The following ENPEP variants were observed in gnomAD, a reference collection of about 807,000 sequenced individuals.
The protein encoded by ENPEP is AP-A.
In ENPEP, 103 loss-of-function variants were observed where a neutral mutation model predicts 114.5. The observed-to-expected ratio is 0.90, with a 90% CI of 0.77 to 1.06. The LOEUF is 1.06. ENPEP is among the 50% of genes least tolerant of loss of function. The pLI is 0.00. For synonymous variants in ENPEP, 420 were observed against 422.0 expected, an observed-to-expected ratio of 1.00 and a Z score of 0.06; for missense variants, 1,196 against 1,161.3, an observed-to-expected ratio of 1.03 and a Z score of -0.43.
intron 13 of ENPEP, among the ~76,000 whole-genome samples, chr4:110,547,093 A>G (rs1727098219): frequency 6.6e-6 from 1 of 152,058 alleles, no homozygotes; most frequent in Non-Finnish European, 1.5e-5. Flanking sequence ...AAAACAAAAA[A>G]CAAACCTTCT....
chr4:110,513,703 T>C (rs987807151), intron 7 of ENPEP, among the ~76,000 whole-genome samples, 154 bp downstream of exon 7: 1 of 152,214 alleles, frequency 6.6e-6, no homozygotes, highest in African/African-American at 2.4e-5. Context: ...CAATAGTTTG[T>C]ACTTTTCAGT....
At position 110,565,238 on chromosome 4, in the gene ENPEP, A is replaced by T. The variant is rs1268136265; in HGVS notation, c.*3680A>T. 1 of 152,196 alleles carries T rather than the reference A, an allele frequency of 6.6e-6. No homozygotes were observed. The highest frequency in any genetic ancestry group is 1.5e-5 in the Non-Finnish European group (1 of 68,034). The allele number at this position is 152,196 out of a possible 1,614,324, so 9.4% of individuals were successfully genotyped here. On this transcript the variant is annotated 3_prime_UTR_variant, in exon 20 of 20. Transcript: ENST00000265162. Reference sequence around the variant, plus strand: ...AGTTCATGATGTAAAAATTATATAAAATTTAAATAAATGTCGGCATCCTTA... The same window carrying T: ...AGTTCATGATGTAAAAATTATATAATATTTAAATAAATGTCGGCATCCTTA...
Position 110,561,475 on chromosome 4 carries a change from A to G in ENPEP, c.2791A>G (p.Thr931Ala). 1.9e-6 allele frequency: 3 copies of G among 1,614,114 alleles called. No individual in the cohort carries two copies. Among genetic ancestry groups the G allele is most frequent in the South Asian group, 1.1e-5 (1 of 91,070 alleles). ...AAAACCTAGGGAACAAGTGCTGGAA[A>G]CAGTGAAAAACAATATAGAGTGGCT... ...GEKPREQVLE[T>A]VKNNIEWLKQ... Residue 931 changes from threonine (T) to alanine (A), a missense_variant, in exon 20 of 20, where the codon ACA becomes GCA. By Grantham distance (58) the Thr-to-Ala change is moderately conservative (BLOSUM62 0). Coordinates refer to ENST00000265162, the MANE Select transcript of ENPEP (RefSeq NM_001977.4).
At chr4:110,555,279 C>T (rs1299184443) in intron 18 of ENPEP, among the ~76,000 whole-genome samples, 1 of 151,892 alleles carries the variant, frequency 6.6e-6, no homozygotes, top group East Asian at 1.9e-4. Context: ...TTGTACTTGG[C>T]TTGAATAAAC....
Position 110,520,060 on chromosome 4 carries a change from C to T in ENPEP, c.1562C>T (p.Ala521Val). 6.2e-7 allele frequency: 1 copy of T among 1,613,862 alleles called. No individual in the cohort carries two copies. The highest frequency in any genetic ancestry group is 1.3e-5 in the African/African-American group (1 of 75,036). ...AATGCAAAAACTTCTGATTTTTGGG[C>T]AGCACTGGAAGAGGTAAGGAAGAGT... ...FKNAKTSDFWAALEEASRLPV... is the reference protein window; with the variant it reads ...FKNAKTSDFWVALEEASRLPV... The change falls in exon 9 of 20, where the codon GCA (alanine) becomes GTA (valine). Residue 521 changes from alanine to valine, a missense_variant. Transcript: ENST00000265162.
At chr4:110,541,949 A>C (rs918025519) in intron 11 of ENPEP, among the ~76,000 whole-genome samples, 1 of 152,152 alleles carries the variant, frequency 6.6e-6, no homozygotes, top group Non-Finnish European at 1.5e-5. Flanking sequence ...TTTACCTAAA[A>C]CATAAGTCTC....
rs372915832 is a variant in ENPEP at position 110,513,477 on chromosome 4, G to A, written c.1371G>A (p.Ser457=). 23 of 1,613,028 alleles carry A rather than the reference G, an allele frequency of 1.4e-5. No homozygotes were observed. The highest frequency in any genetic ancestry group is 1.6e-4 in the Middle Eastern group (1 of 6,080). ...AAGAGGATGATTCTTTGATGTCTTC[G>A]CATCCAATTATTGTGACTGTGACAA... is the stretch of plus-strand genomic sequence containing the variant. ...PVQEDDSLMS[S]HPIIVTVTTP... is the part of the protein sequence containing the mutation. Residue 457 remains serine, a synonymous_variant, in exon 7 of 20, where the codon TCG becomes TCA. Coordinates refer to ENST00000265162, the MANE Select transcript of ENPEP (RefSeq NM_001977.4).
intron 19 of ENPEP, among the ~76,000 whole-genome samples, chr4:110,560,217 A>T (rs1264890234): frequency 6.6e-6 from 1 of 152,188 alleles, no homozygotes; most frequent in Non-Finnish European, 1.5e-5. Context: ...GTTGGTTCCA[A>T]GTCTTTGATA....
intron 11 of ENPEP, among the ~76,000 whole-genome samples, chr4:110,531,695 G>T (rs961882332): frequency 6.6e-6 from 1 of 151,292 alleles, no homozygotes; most frequent in Non-Finnish European, 1.5e-5. Context: ...AAATATATTT[G>T]TGTTCTATCT....
At chr4:110,522,709 G>A (rs1440768174) in intron 10 of ENPEP, among the ~76,000 whole-genome samples, 1 of 152,154 alleles carries the variant, frequency 6.6e-6, no homozygotes, top group East Asian at 1.9e-4. Context: ...AATGCAAGAA[G>A]CGAATGAGGC....
At chr4:110,553,187 A>C in intron 17 of ENPEP, 128 bp from the exon 18 acceptor site, 1 of 780,890 alleles carries the variant, frequency 1.3e-6, no homozygotes, top group Non-Finnish European at 1.9e-6. Flanking sequence ...TGTCATATTT[A>C]ATTAACTTTG....
intron 11 of ENPEP, among the ~76,000 whole-genome samples, chr4:110,532,185 G>A (rs1726431962): frequency 1.3e-5 from 2 of 152,114 alleles, no homozygotes; most frequent in South Asian, 4.1e-4. Flanking sequence ...ACAATCCAGT[G>A]TTTTTTAGTG....
At chr4:110,482,937 A>T in intron 1 of ENPEP, among the ~76,000 whole-genome samples, 1 of 152,158 alleles carries the variant, frequency 6.6e-6, no homozygotes, top group East Asian at 1.9e-4. Flanking sequence ...TGAACCCAGG[A>T]GGCGGAGGTT....
Position 110,520,223 on chromosome 4 carries a change from G to A in ENPEP, c.1584G>A (p.Arg528=). 6.2e-7 allele frequency: 1 copy of A among 1,613,506 alleles called. No homozygotes were observed. The highest frequency in any genetic ancestry group is 8.5e-7 in the Non-Finnish European group (1 of 1,179,684). Reference sequence around the variant, plus strand: ...TTTGTTTTCAATCTTAGGCAAGTAGGCTACCAGTGAAAGAAGTAATGGACA... The same window carrying A: ...TTTGTTTTCAATCTTAGGCAAGTAGACTACCAGTGAAAGAAGTAATGGACA... ...DFWAALEEAS[R]LPVKEVMDTW... is the part of the protein sequence containing the mutation. Residue 528 remains arginine (R), a synonymous_variant, in exon 10 of 20, where the codon AGG becomes AGA. Transcript: ENST00000265162.
intron 2 of ENPEP, among the ~76,000 whole-genome samples, chr4:110,490,609 A>G (rs764821176): frequency 1.3e-5 from 2 of 152,190 alleles, no homozygotes; most frequent in African/African-American, 2.4e-5. Context: ...CCAAAGACGG[A>G]AAAGAGAAGC....
intron 13 of ENPEP, among the ~76,000 whole-genome samples, chr4:110,547,873 G>A (rs1405969258): frequency 6.6e-6 from 1 of 151,994 alleles, no homozygotes; most frequent in African/African-American, 2.4e-5. Flanking sequence ...AATATTAACT[G>A]TACAGCTAAA....
At chr4:110,499,601 A>C (rs535506759) in intron 3 of ENPEP, among the ~76,000 whole-genome samples, 1 of 152,318 alleles carries the variant, frequency 6.6e-6, no homozygotes, top group Non-Finnish European at 1.5e-5. Context: ...TTTGAATACT[A>C]TATGTTAATG....
At chr4:110,542,242 C>G in intron 11 of ENPEP, among the ~76,000 whole-genome samples, 1 of 152,114 alleles carries the variant, frequency 6.6e-6, no homozygotes, top group East Asian at 1.9e-4. Flanking sequence ...AATGTATTAT[C>G]CTGCTTAGTG....
chr4:110,554,041 C>T (rs998772867), intron 18 of ENPEP, among the ~76,000 whole-genome samples: 13 of 151,958 alleles, frequency 8.6e-5, no homozygotes, highest in Non-Finnish European at 1.9e-4. Flanking sequence ...TTTCCTCAGG[C>T]CCGTGCAGAA....
Sources: allele counts gnomAD v4.1 joint callset (sites outside exome capture counted in the v4.1 genomes callset), GRCh38; gene constraint gnomAD v4.1.1; transcripts MANE v1.5; gene names NCBI Gene and HGNC (gene_info 2026-07-23, HGNC 2026-07-21).